Variants in BAIAP2L1 observed in about 807,000 individuals in gnomAD.
BAIAP2L1 encodes BAR/IMD domain containing adaptor protein 2 like 1, also known as BAR/IMD domain-containing adapter protein 2-like 1.
BAIAP2L1 carries 35 observed loss-of-function variants against 66.3 expected under a neutral mutation model. The ratio of observed to expected loss-of-function variants is 0.53; its 90% CI spans 0.40 to 0.70. BAIAP2L1 has a LOEUF of 0.70. BAIAP2L1 is among the 30% of genes least tolerant of loss of function. BAIAP2L1 has a pLI of 0.00. For synonymous variants in BAIAP2L1, 269 were observed against 248.7 expected (o/e 1.08, Z -0.77); for missense variants, 622 against 656.9 (o/e 0.95, Z 0.58).
chr7:98,299,162 C>T (rs1800313964), intron 12 of BAIAP2L1, among the ~76,000 whole-genome samples: 1 of 151,832 alleles, frequency 6.6e-6, no homozygotes, highest in African/African-American at 2.4e-5. Flanking sequence ...ATTACAGGCG[C>T]CTGCCACCAT....
In BAIAP2L1 at chr7:98,327,672, T is replaced by A. The variant is rs191738700; in HGVS notation, c.215-7374A>T. 1.0e-3 allele frequency among the ~76,000 whole-genome samples: 155 copies of A among 151,712 alleles called. 1 individual carries two copies. The highest frequency in any genetic ancestry group is 2.9e-4 in the Non-Finnish European group (20 of 67,880). On this transcript the variant is annotated intron_variant, in intron 3 of 13. Transcript: ENST00000005260. ...TGGGTGAAAAGAGCAAAACTCTGTC[T>A]CAAAAAAAAAAGAAAAGTGAAGATT...
chr7:98,372,452 T>G (rs1188682737), intron 1 of BAIAP2L1, among the ~76,000 whole-genome samples: 1 of 152,050 alleles, frequency 6.6e-6, no homozygotes, highest in Non-Finnish European at 1.5e-5. Flanking sequence ...CAAGGACAAA[T>G]TATTTGATAT....
intron 1 of BAIAP2L1, among the ~76,000 whole-genome samples, chr7:98,397,318 C>CTTTTTTTTTTT (rs36101597): frequency 4.0e-5 from 3 of 74,522 alleles, no homozygotes; most frequent in African/African-American, 1.1e-4. Flanking sequence ...TTCTTAAGCC[C>CTTTTTTTTTTT]TTTTTTTTTT....
At chr7:98,297,846 G>C (rs1263806257) in intron 12 of BAIAP2L1, among the ~76,000 whole-genome samples, 1 of 152,236 alleles carries the variant, frequency 6.6e-6, no homozygotes, top group Non-Finnish European at 1.5e-5. Flanking sequence ...ATGCAGGCTT[G>C]CTTTTACAAA....
intron 3 of BAIAP2L1, among the ~76,000 whole-genome samples, chr7:98,343,947 G>A (rs1410737043): frequency 9.9e-5 from 15 of 152,220 alleles, no homozygotes; most frequent in Admixed American, 9.8e-4. Context: ...TTGGGAGGCC[G>A]AGGCGGACGG....
Position 98,292,421 on chromosome 7 carries a change from G to A in BAIAP2L1, c.*1100C>T. 2 of 568,214 alleles carry A rather than the reference G, an allele frequency of 3.5e-6. No homozygotes were observed. Among genetic ancestry groups the A allele is most frequent in the South Asian group, 2.2e-5 (1 of 46,154 alleles). 35.2% of individuals were successfully genotyped at this position (568,214 alleles called of 1,614,324 possible). A position where few individuals can be genotyped will look rare whatever the true frequency, so the allele number is the denominator to read the frequency against. On this transcript the variant is annotated 3_prime_UTR_variant, in exon 14 of 14. Coordinates refer to ENST00000005260, the MANE Select transcript of BAIAP2L1 (RefSeq NM_018842.5). ...ACTCCTGACCTCAGGTGATCCCCCT[G>A]CCTCGGCCTCACAAAATGCTGGGAT...
chr7:98,341,452 G>A (rs1321313405), intron 3 of BAIAP2L1, among the ~76,000 whole-genome samples: 2 of 152,138 alleles, frequency 1.3e-5, no homozygotes, highest in Admixed American at 6.6e-5. Context: ...GGAGGCTGAG[G>A]TGGGAGGACT....
intron 2 of BAIAP2L1, among the ~76,000 whole-genome samples, chr7:98,355,993 G>GA (rs1420749306): frequency 6.6e-6 from 1 of 152,144 alleles, no homozygotes; most frequent in Non-Finnish European, 1.5e-5. Context: ...ACAATTGTCT[G>GA]AAAAAATAAC....
intron 12 of BAIAP2L1, among the ~76,000 whole-genome samples, chr7:98,299,739 T>A (rs1800342143): frequency 6.6e-6 from 1 of 152,190 alleles, no homozygotes; most frequent in African/African-American, 2.4e-5. Flanking sequence ...TAGCTGTATA[T>A]GGCTACTTAA....
chr7:98,303,309 G>A (rs1391110294), intron 12 of BAIAP2L1, among the ~76,000 whole-genome samples: 1 of 152,124 alleles, frequency 6.6e-6, no homozygotes, highest in Non-Finnish European at 1.5e-5. Context: ...AGGTATAGGG[G>A]CCTGGCTCCT....
rs1044769192 is a variant in BAIAP2L1 at position 98,292,795 on chromosome 7, C to T, written c.*726G>A. The T allele has an allele frequency of 1.5e-5, 23 of 1,539,384 alleles. No individual in the cohort carries two copies. In the East Asian group the frequency reaches 2.5e-4, roughly 16 times the overall value. ...AGAACACAAGGAGCCGTGACTCCGACGCCCAGGCCTGTGTCCTGGATGGGC... is the reference window on the plus strand; with the variant it reads ...AGAACACAAGGAGCCGTGACTCCGATGCCCAGGCCTGTGTCCTGGATGGGC... On this transcript the variant is annotated 3_prime_UTR_variant, in exon 14 of 14. Transcript: ENST00000005260.
At chr7:98,343,634 T>C (rs6945554) in intron 3 of BAIAP2L1, among the ~76,000 whole-genome samples, 57,754 of 151,944 alleles carry the variant, frequency 0.38, 12,461 homozygotes, top group Middle Eastern at 0.54. Flanking sequence ...GCACCTTAAA[T>C]CCAGACACTT....
At chr7:98,294,958 CT>C (rs1005607517) in intron 12 of BAIAP2L1, among the ~76,000 whole-genome samples, 2 of 152,224 alleles carry the variant, frequency 1.3e-5, no homozygotes, top group Admixed American at 1.3e-4. Context: ...GTTTAACACT[CT>C]TTCCTGCCTG....
intron 3 of BAIAP2L1, among the ~76,000 whole-genome samples, chr7:98,349,467 T>G (rs1005193230): frequency 6.6e-6 from 1 of 152,164 alleles, no homozygotes; most frequent in African/African-American, 2.4e-5. Context: ...CTCCTGGCGT[T>G]TATGGTTGGA....
intron 8 of BAIAP2L1, among the ~76,000 whole-genome samples, chr7:98,311,877 G>C (rs1429876393): frequency 6.6e-6 from 1 of 152,174 alleles, no homozygotes; most frequent in Non-Finnish European, 1.5e-5. Context: ...CTGTACTCCA[G>C]CCTGGGCGAC....
chr7:98,350,450 G>A (rs928302323), intron 3 of BAIAP2L1, among the ~76,000 whole-genome samples: 12 of 152,110 alleles, frequency 7.9e-5, no homozygotes, highest in Non-Finnish European at 1.5e-4. Context: ...GAGGTCAAGA[G>A]ATTGAGACCA....
intron 8 of BAIAP2L1, among the ~76,000 whole-genome samples, chr7:98,311,443 C>T (rs866827173): frequency 9.9e-5 from 15 of 151,518 alleles, no homozygotes; most frequent in Admixed American, 6.6e-4. Flanking sequence ...ACTTGGAAGG[C>T]TGAGGCAGAA....
In BAIAP2L1 at chr7:98,343,237, GAA is replaced by G. The variant is rs1186355923; in HGVS notation, c.214+11803_214+11804del. 2.8e-3 allele frequency among the ~76,000 whole-genome samples: 347 copies of G among 123,306 alleles called. 3 individuals are homozygous for G. The highest frequency in any genetic ancestry group is 0.01 in the African/African-American group (325 of 32,452). The allele number at this position is 123,306 out of a possible 152,430, so 80.9% of individuals were successfully genotyped here. A position where few individuals can be genotyped will look rare whatever the true frequency, so the allele number is the denominator to read the frequency against. Reference sequence around the variant, plus strand: ...ACATGGTGAAACCCTGTCTCTACTGGAAAAAAAAAATACACACACACACACAC... The same window carrying G: ...ACATGGTGAAACCCTGTCTCTACTGGAAAAAAAATACACACACACACACAC... On this transcript the variant is annotated intron_variant, in intron 3 of 13. Coordinates refer to ENST00000005260, the MANE Select transcript of BAIAP2L1 (RefSeq NM_018842.5).
At chr7:98,349,971 C>T (rs532584147) in intron 3 of BAIAP2L1, among the ~76,000 whole-genome samples, 120 of 151,848 alleles carry the variant, frequency 7.9e-4, no homozygotes, top group Non-Finnish European at 1.5e-3. Context: ...GCAGGAGAAT[C>T]GCCAGGCATG....
Sources: allele counts gnomAD v4.1 joint callset (sites outside exome capture counted in the v4.1 genomes callset), GRCh38; gene constraint gnomAD v4.1.1; transcripts MANE v1.5; gene names NCBI Gene and HGNC (gene_info 2026-07-23, HGNC 2026-07-21).